Variants in VAV2 observed in about 807,000 individuals in gnomAD.
VAV2 encodes vav guanine nucleotide exchange factor 2, also known as guanine nucleotide exchange factor VAV2.
Under a neutral mutation model 132.5 loss-of-function variants are expected in VAV2, and 67 were observed. That is an observed-to-expected ratio of 0.51 (90% confidence interval 0.42 to 0.62). The LOEUF (loss-of-function observed/expected upper bound fraction) is 0.62, where lower values mean the gene tolerates loss of function less well. VAV2 is among the 20% of genes least tolerant of loss of function. VAV2 has a pLI of 0.00. For synonymous variants in VAV2, 492 were observed against 443.5 expected, an observed-to-expected ratio of 1.11 and a Z score of -1.37; for missense variants, 938 against 1,153.6, an observed-to-expected ratio of 0.81 and a Z score of 2.71.
At chr9:133,848,279 C>CAAAAAAAAAAAAAAAAAAA (rs34908811) in intron 3 of VAV2, among the ~76,000 whole-genome samples, 2 of 48,626 alleles carry the variant, frequency 4.1e-5, no homozygotes, top group East Asian at 7.6e-4. Flanking sequence ...GACTCCGTCT[C>CAAAAAAAAAAAAAAAAAAA]AAAAAAAAAA....
At chr9:133,851,623 T>G (rs2502765) in intron 3 of VAV2, among the ~76,000 whole-genome samples, 43,685 of 152,002 alleles carry the variant, frequency 0.29, 9,266 homozygotes, top group African/African-American at 0.61. Flanking sequence ...CCAATCGCGT[T>G]ATATTCATGT....
chr9:133,796,263 G>A (rs767168170), intron 11 of VAV2, among the ~76,000 whole-genome samples, 166 bp downstream of exon 11: 5 of 152,064 alleles, frequency 3.3e-5, no homozygotes, highest in East Asian at 1.9e-4. Context: ...TGTGATAATC[G>A]GCCATCACAT....
chr9:133,770,532 C>A, intron 26 of VAV2, 31 bp from the exon 27 acceptor site: 1 of 1,609,096 alleles, frequency 6.2e-7, no homozygotes, highest in African/African-American at 1.3e-5. Context: ...CTGACAGCTG[C>A]TGCCACCTCC....
At position 133,783,493 on chromosome 9, in the gene VAV2, G is replaced by GT; in HGVS notation, c.1723+9_1723+10insA. On this transcript the variant is annotated intron_variant, in intron 19 of 29. Coordinates refer to ENST00000371850, the MANE Select transcript of VAV2 (RefSeq NM_001134398.2). The stretch of plus-strand genomic sequence containing the variant: ...AGGGACTGGGGTGGGGGGGTGAGGG[G>GT]GGTACTCACTGAACTTGCAGGGAGG... 1 of 1,606,842 alleles carries GT rather than the reference G, an allele frequency of 6.2e-7. No homozygotes were observed. The highest frequency in any genetic ancestry group is 8.5e-7 in the Non-Finnish European group (1 of 1,175,600).
chr9:133,911,285 C>A (rs546418045), intron 2 of VAV2, among the ~76,000 whole-genome samples: 24 of 152,350 alleles, frequency 1.6e-4, no homozygotes, highest in African/African-American at 5.8e-4. Context: ...CCCGGGAGAA[C>A]TTTCTGTGAA....
At chr9:133,936,782 C>T (rs1001972813) in intron 2 of VAV2, among the ~76,000 whole-genome samples, 2 of 152,158 alleles carry the variant, frequency 1.3e-5, no homozygotes, top group African/African-American at 2.4e-5. Flanking sequence ...CCAAACCCGC[C>T]GTCTACTCCC....
chr9:133,913,212 C>T (rs960472063), intron 2 of VAV2, among the ~76,000 whole-genome samples: 5 of 152,210 alleles, frequency 3.3e-5, no homozygotes, highest in African/African-American at 9.7e-5. Flanking sequence ...CTGGAACACC[C>T]CCTGTGCTCC....
intron 2 of VAV2, among the ~76,000 whole-genome samples, chr9:133,891,952 T>A (rs1588324764): frequency 1.0e-5 from 1 of 97,928 alleles, no homozygotes; most frequent in Non-Finnish European, 2.0e-5. Context: ...AGTGGATGAG[T>A]GGACCAAGGC....
intron 1 of VAV2, among the ~76,000 whole-genome samples, chr9:133,951,567 G>A (rs537024434): frequency 2.6e-5 from 4 of 152,200 alleles, no homozygotes; most frequent in East Asian, 3.9e-4. Context: ...AGCTGGGAGC[G>A]CTAGACTAGA....
At chr9:133,827,763 G>A (rs377304884) in intron 4 of VAV2, among the ~76,000 whole-genome samples, 582 of 5,712 alleles carry the variant, frequency 0.1, 37 homozygotes, top group African/African-American at 0.22. Context: ...GCGCCCACTG[G>A]GGCTGACCAC....
chr9:133,814,335 T>C (rs2077392), intron 4 of VAV2, among the ~76,000 whole-genome samples: 7,734 of 152,308 alleles, frequency 0.051, 334 homozygotes, highest in African/African-American at 0.12. Flanking sequence ...CTACCAGGGA[T>C]GCAGGCAAGT....
At chr9:133,956,478 G>GT (rs1564499672) in intron 1 of VAV2, among the ~76,000 whole-genome samples, 2 of 151,944 alleles carry the variant, frequency 1.3e-5, no homozygotes, top group African/African-American at 2.4e-5. Flanking sequence ...GTTTCGTTTT[G>GT]TTTTTTTTCC....
Position 133,899,953 on chromosome 9 carries a change from G to A in VAV2, c.322-38521C>T, listed in dbSNP as rs574438401. 6.8e-4 allele frequency among the ~76,000 whole-genome samples: 103 copies of A among 150,978 alleles called. 1 individual carries two copies. Among genetic ancestry groups the A allele is most frequent in the African/African-American group, 1.8e-3 (74 of 41,410 alleles). ...GGAGAATGGCGTGAACCCGGGAGGCGGAGCTTGCAGTGAGCCGAGATTGCA... is the reference window on the plus strand; with the variant it reads ...GGAGAATGGCGTGAACCCGGGAGGCAGAGCTTGCAGTGAGCCGAGATTGCA... On this transcript the variant is annotated intron_variant, in intron 2 of 29. Transcript: ENST00000371850.
chr9:133,903,898 A>G (rs1320999454), intron 2 of VAV2, among the ~76,000 whole-genome samples: 2 of 152,186 alleles, frequency 1.3e-5, no homozygotes, highest in African/African-American at 4.8e-5. Context: ...CATTTCACAC[A>G]CTGAGTAAAA....
Position 133,857,770 on chromosome 9 carries a change from A to G in VAV2, c.380+3604T>C, listed in dbSNP as rs1837441491. Among the ~76,000 whole-genome samples, 1 of 152,094 alleles carries G rather than the reference A, an allele frequency of 6.6e-6. No individual in the cohort carries two copies. Among genetic ancestry groups the G allele is most frequent in the South Asian group, 2.1e-4 (1 of 4,820 alleles). On this transcript the variant is annotated intron_variant, in intron 3 of 29. Coordinates refer to ENST00000371850, the MANE Select transcript of VAV2 (RefSeq NM_001134398.2). This position sits in a 1 kb window ranked among gnomAD's most constrained non-coding sequence, Gnocchi z 4.0. ...AGGGTTGCCTGTCACCTGTCTCCTG[A>G]GCTCCCGGGTGAGCGTGTGAACCAG... is the stretch of plus-strand genomic sequence containing the variant.
chr9:133,824,617 C>T lies in VAV2; in HGVS notation c.449+9655G>A, dbSNP rs1835914366. The stretch of plus-strand genomic sequence containing the variant: ...TGTCAGGGTCTGCCCCCAGAGGCTG[C>T]TGCCTGGACAGCACATGTGGGAGGT... On this transcript the variant is annotated intron_variant, in intron 4 of 29. Coordinates refer to ENST00000371850, the MANE Select transcript of VAV2 (RefSeq NM_001134398.2). This position sits in a 1 kb window ranked among gnomAD's most constrained non-coding sequence, Gnocchi z 5.2. 6.6e-6 allele frequency among the ~76,000 whole-genome samples: 1 copy of T among 152,170 alleles called. No individual in the cohort carries two copies. The highest frequency in any genetic ancestry group is 2.4e-5 in the African/African-American group (1 of 41,442).
chr9:133,808,744 T>C (rs1019521169), intron 7 of VAV2, among the ~76,000 whole-genome samples: 8 of 152,196 alleles, frequency 5.3e-5, no homozygotes, highest in Non-Finnish European at 1.2e-4. Flanking sequence ...GCTAGCTCAG[T>C]GCCTGCCTTA....
chr9:133,906,599 G>A (rs749691061), intron 2 of VAV2, among the ~76,000 whole-genome samples: 47 of 152,208 alleles, frequency 3.1e-4, no homozygotes, highest in African/African-American at 1.1e-3. Flanking sequence ...ATGGTTGGGC[G>A]GAGCCTCAAG....
At chr9:133,843,176 C>T (rs1468354465) in intron 3 of VAV2, among the ~76,000 whole-genome samples, 2 of 152,130 alleles carry the variant, frequency 1.3e-5, no homozygotes, top group African/African-American at 2.4e-5. Flanking sequence ...ATGGCAGTGT[C>T]GGAGATGAGC....
Sources: gnomAD v4.1 joint callset for allele counts (sites outside exome capture counted in the v4.1 genomes callset) on GRCh38, gnomAD v4.1.1 for gene constraint, Gnocchi (gnomAD v3.1) non-coding constraint, MANE v1.5 for transcripts, NCBI Gene and HGNC (gene_info 2026-07-23, HGNC 2026-07-21) for gene names.